Variants in STAU1 observed in about 807,000 individuals in gnomAD.
STAU1 encodes the protein staufen double-stranded RNA binding protein 1, also known as double-stranded RNA-binding protein Staufen homolog 1.
STAU1 carries 13 observed loss-of-function variants against 62.9 expected under a neutral mutation model. That is an observed-to-expected ratio of 0.21 (90% confidence interval 0.13 to 0.33). The LOEUF (loss-of-function observed/expected upper bound fraction) is 0.33, where lower values mean the gene tolerates loss of function less well. STAU1 is among the 10% of genes least tolerant of loss of function. The pLI, the probability that STAU1 is intolerant of heterozygous loss-of-function variation, is 1.00. For synonymous variants in STAU1, 269 were observed against 265.1 expected, an observed-to-expected ratio of 1.01 and a Z score of -0.14; for missense variants, 571 against 712.1, an observed-to-expected ratio of 0.80 and a Z score of 2.25.
rs774560147 is a variant in STAU1, at chr20:49,117,213, G to A, written c.1545C>T (p.Asn515=). 3.1e-6 allele frequency: 5 copies of A among 1,613,986 alleles called. No individual in the cohort carries two copies. Among genetic ancestry groups the A allele is most frequent in the Admixed American group, 1.7e-5 (1 of 59,994 alleles). ...AGCAATTGATAAGAGATACAAATTC[G>A]TTCTTGTTGTTTTTGGGGAAGTCTT... ...EYKDFPKNNK[N]EFVSLINCSS... The change falls in exon 12 of 14, where the codon AAC becomes AAT. Residue 515 remains asparagine (N), a synonymous_variant. Coordinates refer to ENST00000371856, the MANE Select transcript of STAU1 (RefSeq NM_017453.4). The surrounding 1 kb of genome is among the most constrained non-coding windows in gnomAD (Gnocchi z 4.6).
chr20:49,116,257 C>T (rs1390692797), intron 12 of STAU1, among the ~76,000 whole-genome samples: 3 of 152,172 alleles, frequency 2.0e-5, no homozygotes, highest in African/African-American at 7.2e-5. Flanking sequence ...ACCTTGGCCT[C>T]CCAAAGTGCT....
chr20:49,177,787 T>C (rs1307964532), intron 1 of STAU1, among the ~76,000 whole-genome samples: 1 of 152,082 alleles, frequency 6.6e-6, no homozygotes, highest in Non-Finnish European at 1.5e-5. Flanking sequence ...ATAACCATCA[T>C]CAACTTAGCA....
At chr20:49,118,433 A>G in intron 9 of STAU1, 25 bp from the exon 10 acceptor site, 1 of 1,563,700 alleles carries the variant, frequency 6.4e-7, no homozygotes, top group African/African-American at 1.4e-5. Flanking sequence ...AGAAAAAAAA[A>G]AGGCCATGAG....
At chr20:49,196,342 C>A in the STAU1 span, among the ~76,000 whole-genome samples, 1 of 143,088 alleles carries the variant, frequency 7.0e-6, no homozygotes, top group Non-Finnish European at 1.5e-5. Context: ...AGGCTGAGGC[C>A]GGAGAATGGC....
chr20:49,122,925 ATAAATAAAT>A (rs1256101716), intron 8 of STAU1, among the ~76,000 whole-genome samples, 158 bp downstream of exon 8: 10 of 5,792 alleles, frequency 1.7e-3, no homozygotes, highest in Non-Finnish European at 5.1e-3. Flanking sequence ...TCAAAAATAA[ATAAATAAAT>A]AAATAAATAA....
intron 5 of STAU1, among the ~76,000 whole-genome samples, chr20:49,146,938 T>C (rs1453276655): frequency 1.3e-5 from 2 of 152,190 alleles, no homozygotes; most frequent in Non-Finnish European, 2.9e-5. Context: ...ACTGCAGCTA[T>C]GACCATACTG....
chr20:49,202,918 T>C, the STAU1 span, among the ~76,000 whole-genome samples: 1 of 151,524 alleles, frequency 6.6e-6, no homozygotes, highest in Non-Finnish European at 1.5e-5. Flanking sequence ...TACGCCTGCC[T>C]GTAACCCCAG....
chr20:49,195,448 G>C, the STAU1 span, among the ~76,000 whole-genome samples: 1 of 144,938 alleles, frequency 6.9e-6, no homozygotes, highest in East Asian at 2.1e-4. Flanking sequence ...TGAGGCAAGA[G>C]AATGGCGTGA....
At chr20:49,130,717 T>C (rs571296662) in intron 6 of STAU1, among the ~76,000 whole-genome samples, 2 of 152,266 alleles carry the variant, frequency 1.3e-5, no homozygotes, top group African/African-American at 4.8e-5. Context: ...TCTACCACAG[T>C]GATAATCAAT....
chr20:49,114,697 G>C lies in STAU1; in HGVS notation c.*181C>G. 1.5e-6 allele frequency: 1 copy of C among 659,130 alleles called. No homozygotes were observed. Among genetic ancestry groups the C allele is most frequent in the Non-Finnish European group, 2.7e-6 (1 of 369,546 alleles). 40.8% of individuals were successfully genotyped at this position (659,130 alleles called of 1,614,324 possible). On this transcript the variant is annotated 3_prime_UTR_variant, in exon 14 of 14. Coordinates refer to ENST00000371856, the MANE Select transcript of STAU1 (RefSeq NM_017453.4). Reference sequence around the variant, plus strand: ...GGCCATCACAACAAACCCCAGCACAGTCCAGCCCGGCCACAGCCGCCTCCT... The same window carrying C: ...GGCCATCACAACAAACCCCAGCACACTCCAGCCCGGCCACAGCCGCCTCCT...
chr20:49,189,486 G>A (rs577248505), upstream of STAU1, among the ~76,000 whole-genome samples: 3 of 150,572 alleles, frequency 2.0e-5, no homozygotes, highest in South Asian at 6.3e-4. Flanking sequence ...CGGATGCAGT[G>A]GTGGGCGCCT....
chr20:49,211,364 A>T, the STAU1 span, among the ~76,000 whole-genome samples: 1 of 147,288 alleles, frequency 6.8e-6, no homozygotes, highest in Admixed American at 7.2e-5. Flanking sequence ...TTCATATAGT[A>T]ATTCTTTTTT....
chr20:49,158,848 CCAG>C (rs1426256383), intron 3 of STAU1: 1 of 931,144 alleles, frequency 1.1e-6, no homozygotes, highest in East Asian at 6.4e-5. Context: ...GCCTGTAATC[CCAG>C]CAGATCGCGC....
At chr20:49,126,287 C>G (rs2092610668) in intron 6 of STAU1, among the ~76,000 whole-genome samples, 1 of 151,702 alleles carries the variant, frequency 6.6e-6, no homozygotes, top group Non-Finnish European at 1.5e-5. Flanking sequence ...TCAGGCTGGG[C>G]AGGGTGGCTC....
At chr20:49,177,128 T>G (rs2146530229) in intron 1 of STAU1, among the ~76,000 whole-genome samples, 1 of 151,788 alleles carries the variant, frequency 6.6e-6, no homozygotes, top group Admixed American at 6.6e-5. Context: ...GCCAGGCTGG[T>G]CTCGATCTCC....
At chr20:49,130,863 G>A (rs1329172237) in intron 6 of STAU1, among the ~76,000 whole-genome samples, 2 of 152,078 alleles carry the variant, frequency 1.3e-5, no homozygotes, top group African/African-American at 2.4e-5. Flanking sequence ...ATTTGAACCC[G>A]GGAGCCAGAG....
At chr20:49,143,578 G>A (rs1329059567) in intron 5 of STAU1, among the ~76,000 whole-genome samples, 2 of 152,212 alleles carry the variant, frequency 1.3e-5, no homozygotes, top group Non-Finnish European at 2.9e-5. Flanking sequence ...GGGCGACAGA[G>A]GAAGACCCTA....
intron 13 of STAU1, among the ~76,000 whole-genome samples, chr20:49,115,247 C>G (rs2092288391): frequency 6.6e-6 from 1 of 152,010 alleles, no homozygotes; most frequent in African/African-American, 2.4e-5. Flanking sequence ...AAGATTGTAC[C>G]TTGTAAAATA....
At chr20:49,115,318 T>G (rs532089450) in intron 13 of STAU1, among the ~76,000 whole-genome samples, 9 of 152,202 alleles carry the variant, frequency 5.9e-5, no homozygotes, top group South Asian at 2.1e-4. Context: ...TGTTTTTTTT[T>G]GGGACGGAGT....
Sources: allele counts gnomAD v4.1 joint callset (sites outside exome capture counted in the v4.1 genomes callset), GRCh38; gene constraint gnomAD v4.1.1; non-coding constraint Gnocchi (gnomAD v3.1); transcripts MANE v1.5; gene names NCBI Gene and HGNC (gene_info 2026-07-23, HGNC 2026-07-21).